The following CNTLN variants were observed in gnomAD, a reference collection of about 807,000 sequenced individuals.
CNTLN encodes centlein, also known as centlein, centrosomal protein.
CNTLN carries 212 observed loss-of-function variants against 180.0 expected under a neutral mutation model. That is an observed-to-expected ratio of 1.18 (90% CI 1.05 to 1.32). The LOEUF (loss-of-function observed/expected upper bound fraction) is 1.32. CNTLN is among the 40% of genes most tolerant of loss of function. The pLI, the probability that CNTLN is intolerant of heterozygous loss-of-function variation, is 0.00. For synonymous variants in CNTLN, 722 were observed against 563.1 expected, an observed-to-expected ratio of 1.28 and a Z score of -3.99; for missense variants, 2,095 against 1,610.9, an observed-to-expected ratio of 1.30 and a Z score of -5.14.
rs376261849 is a variant in CNTLN, at chr9:17,460,311, T to G, written c.3306+2596T>G. Among the ~76,000 whole-genome samples the G allele has an allele frequency of 4.6e-5, 7 of 151,828 alleles. No homozygotes were observed. The East Asian group carries it at 1.2e-3, about 25-fold the overall frequency. The stretch of plus-strand genomic sequence containing the variant: ...AATTTTAAAAAAATATTCAATAAAC[T>G]TAGTATAGGAAAGCTGTAACAGGGA... On this transcript the variant is annotated intron_variant, in intron 19 of 25. Transcript: ENST00000380647.
intron 2 of CNTLN, among the ~76,000 whole-genome samples, chr9:17,213,891 G>C (rs1184571816): frequency 6.6e-6 from 1 of 151,600 alleles, no homozygotes; most frequent in Non-Finnish European, 1.5e-5. Flanking sequence ...GCCTTTTTTT[G>C]TTTTCCATTT....
chr9:17,251,109 G>A (rs1826113335), intron 5 of CNTLN, among the ~76,000 whole-genome samples: 1 of 151,948 alleles, frequency 6.6e-6, no homozygotes, highest in African/African-American at 2.4e-5. Context: ...CAAGAAATCA[G>A]CTTTTACTCT....
chr9:17,474,005 C>G (rs1192602442), intron 23 of CNTLN, among the ~76,000 whole-genome samples: 2 of 152,132 alleles, frequency 1.3e-5, no homozygotes, highest in African/African-American at 4.8e-5. Flanking sequence ...TTTGCTAGTT[C>G]TCATTCTCTT....
chr9:17,469,586 G>A (rs2441992), intron 23 of CNTLN, among the ~76,000 whole-genome samples: 145,596 of 151,818 alleles, frequency 0.96, 70,140 homozygotes, highest in East Asian at 1. Context: ...CATTAGGTGC[G>A]TTAGATCAAT....
intron 13 of CNTLN, 146 bp downstream of exon 13, chr9:17,366,863 T>C: frequency 1.9e-6 from 1 of 532,320 alleles, no homozygotes; most frequent in Non-Finnish European, 3.3e-6. Context: ...AACATTTTCA[T>C]CCTGAGAAAA....
At chr9:17,312,361 ATATTATATATAT>A (rs1165147058) in intron 8 of CNTLN, among the ~76,000 whole-genome samples, 1 of 15,544 alleles carries the variant, frequency 6.4e-5, no homozygotes, top group Non-Finnish European at 2.1e-4. Flanking sequence ...ATATATATAT[ATATTATATATAT>A]ATATATATAT....
intron 2 of CNTLN, among the ~76,000 whole-genome samples, chr9:17,148,886 G>C (rs1194294921): frequency 1.3e-5 from 2 of 152,000 alleles, no homozygotes; most frequent in Admixed American, 6.6e-5. Context: ...TTGTTATGTA[G>C]GTATACATGT....
At chr9:17,138,576 C>T (rs567422510) in intron 1 of CNTLN, among the ~76,000 whole-genome samples, 3 of 152,190 alleles carry the variant, frequency 2.0e-5, no homozygotes, top group South Asian at 4.2e-4. Context: ...GTAATTCCAC[C>T]AGTTGTTTGT....
In CNTLN at chr9:17,409,454, T is replaced by C. The variant is rs1461755146; in HGVS notation, c.2777T>C (p.Ile926Thr). ...GKEIVQTYLN[I>T]DGKTPKDYFH... ...GAAATAGTACAGACATATTTAAATA[T>C]AGATGGCAAGACCCCAAAGGTAAAT... Residue 926 changes from isoleucine to threonine, a missense_variant, in exon 16 of 26, where the codon ATA (isoleucine) becomes ACA (threonine). Transcript: ENST00000380647. The C allele has an allele frequency of 3.7e-6, 6 of 1,601,348 alleles. No homozygotes were observed. The highest frequency in any genetic ancestry group is 1.1e-5 in the South Asian group (1 of 88,218).
rs534935332 is a variant in CNTLN at position 17,350,549 on chromosome 9, G to C, written c.1886+8105G>C. Among the ~76,000 whole-genome samples, 7 of 152,238 alleles carry C rather than the reference G, an allele frequency of 4.6e-5. No individual in the cohort carries two copies. The South Asian group carries it at 1.2e-3, about 27-fold the overall frequency. ...TGTATTCTGCTTGTGAGTGGAAAAA[G>C]AGGTAACGCAAATCTCTTGCTGATA... is the stretch of plus-strand genomic sequence containing the variant. On this transcript the variant is annotated intron_variant, in intron 12 of 25. Coordinates refer to ENST00000380647, the MANE Select transcript of CNTLN (RefSeq NM_017738.4).
chr9:17,365,307 T>A (rs1247687191), intron 12 of CNTLN, among the ~76,000 whole-genome samples: 1 of 152,154 alleles, frequency 6.6e-6, no homozygotes, highest in East Asian at 1.9e-4. Flanking sequence ...TGCTTCCTGT[T>A]CCCCTTCTGC....
At chr9:17,425,112 G>A (rs915498685) in intron 18 of CNTLN, among the ~76,000 whole-genome samples, 2 of 152,120 alleles carry the variant, frequency 1.3e-5, no homozygotes, top group African/African-American at 4.8e-5. Context: ...GAATGGATGA[G>A]TTATTTTATT....
chr9:17,347,931 A>G (rs571661933), intron 12 of CNTLN, among the ~76,000 whole-genome samples: 6 of 152,122 alleles, frequency 3.9e-5, no homozygotes, highest in African/African-American at 1.4e-4. Flanking sequence ...TCCCGGGTTC[A>G]AGGTATTCTT....
intron 6 of CNTLN, among the ~76,000 whole-genome samples, chr9:17,274,970 A>G (rs1179697718): frequency 6.6e-6 from 1 of 152,142 alleles, no homozygotes; most frequent in African/African-American, 2.4e-5. Context: ...TCACATTTTA[A>G]AAACTTTCTC....
chr9:17,380,441 G>A (rs1825148153), intron 13 of CNTLN, among the ~76,000 whole-genome samples: 1 of 152,184 alleles, frequency 6.6e-6, no homozygotes, highest in Non-Finnish European at 1.5e-5. Flanking sequence ...ACAGATACGT[G>A]TGTAACAGTG....
At chr9:17,303,602 A>T (rs1818516121) in intron 7 of CNTLN, among the ~76,000 whole-genome samples, 1 of 152,074 alleles carries the variant, frequency 6.6e-6, no homozygotes, top group Non-Finnish European at 1.5e-5. Flanking sequence ...GGATTTTAAA[A>T]TTTGTGAATG....
At chr9:17,291,896 T>A (rs1013791723) in intron 6 of CNTLN, among the ~76,000 whole-genome samples, 1 of 152,162 alleles carries the variant, frequency 6.6e-6, no homozygotes, top group African/African-American at 2.4e-5. Flanking sequence ...TATAGTTTCA[T>A]TGGTCTTTGT....
At chr9:17,141,931 A>T (rs919950525) in intron 1 of CNTLN, among the ~76,000 whole-genome samples, 2 of 151,818 alleles carry the variant, frequency 1.3e-5, no homozygotes, top group Non-Finnish European at 1.5e-5. Flanking sequence ...AAAATACAAA[A>T]ATTAGCTGGG....
In CNTLN at chr9:17,409,393, A is replaced by T; in HGVS notation, c.2716A>T (p.Ser906Cys). ...GGAAGATGGAAAAGACCAGAAAGAA[A>T]GTGATCCAACAGAAGACAGCCAAAC... ...PTEDGKDQKE[S>C]DPTEDSQTQG... Residue 906 changes from serine to cysteine, a missense_variant, in exon 16 of 26, where the codon AGT becomes TGT. Ser to Cys is a moderately radical substitution (Grantham distance 112). Transcript: ENST00000380647. 1 of 1,613,576 alleles carries T rather than the reference A, an allele frequency of 6.2e-7. No individual in the cohort carries two copies. The highest frequency in any genetic ancestry group is 8.5e-7 in the Non-Finnish European group (1 of 1,179,670).
Sources: allele counts gnomAD v4.1 joint callset (sites outside exome capture counted in the v4.1 genomes callset), GRCh38; gene constraint gnomAD v4.1.1; transcripts MANE v1.5; gene names NCBI Gene and HGNC (gene_info 2026-07-23, HGNC 2026-07-21).